Variants in DPH6 observed in about 807,000 individuals in gnomAD.
The protein encoded by DPH6 is diphthamine biosynthesis 6.
Under a neutral mutation model 38.2 loss-of-function variants are expected in DPH6, and 33 were observed. The observed-to-expected ratio is 0.86, with a 90% CI of 0.65 to 1.15. The LOEUF (loss-of-function observed/expected upper bound fraction) is 1.15. Ranked by LOEUF, DPH6 falls within the 50% of genes most tolerant of loss-of-function variation. DPH6 has a pLI of 0.00. For synonymous variants in DPH6, 108 were observed against 103.0 expected, an observed-to-expected ratio of 1.05 and a Z score of -0.30; for missense variants, 325 against 320.0, an observed-to-expected ratio of 1.02 and a Z score of -0.12.
At chr15:35,251,431 C>A (rs2051672913) in intron 3 of DPH6, among the ~76,000 whole-genome samples, 1 of 152,128 alleles carries the variant, frequency 6.6e-6, no homozygotes, top group South Asian at 2.1e-4. Context: ...AGCTGTCAAG[C>A]TTTTTTCCTA....
In DPH6 at chr15:35,239,595, G is replaced by A. The variant is rs1237990510; in HGVS notation, n.201-19013C>T. On this transcript the variant is annotated intron_variant and non_coding_transcript_variant, in intron 3 of 3. Coordinates refer to the DPH6 transcript ENST00000560386. Reference sequence around the variant, plus strand: ...CTCTACCCCTTCTCTGCCTTTCCTGGGGCGGGGGCAAGTACCCCTCAACCC... The same window carrying A: ...CTCTACCCCTTCTCTGCCTTTCCTGAGGCGGGGGCAAGTACCCCTCAACCC... Among the ~76,000 whole-genome samples the A allele has an allele frequency of 1.4e-5, 2 of 141,526 alleles. 1 individual carries two copies. Among genetic ancestry groups the A allele is most frequent in the East Asian group, 4.5e-4 (2 of 4,480 alleles). The allele number at this position is 141,526 out of a possible 152,430, so 92.8% of individuals were successfully genotyped here. A position where few individuals can be genotyped will look rare whatever the true frequency, so the allele number is the denominator to read the frequency against.
At chr15:35,245,527 C>T (rs1383053198) in intron 3 of DPH6, among the ~76,000 whole-genome samples, 1 of 152,042 alleles carries the variant, frequency 6.6e-6, no homozygotes, top group Non-Finnish European at 1.5e-5. Context: ...CGTGAGCCAC[C>T]ACGCTGGCGG....
intron 5 of DPH6, among the ~76,000 whole-genome samples, chr15:35,418,214 C>T (rs1167177925): frequency 6.6e-6 from 1 of 151,982 alleles, no homozygotes; most frequent in African/African-American, 2.4e-5. Context: ...ATATATCTCC[C>T]TACAAAAACC....
chr15:35,465,370 T>C (rs1023267289), intron 3 of DPH6, among the ~76,000 whole-genome samples: 3 of 152,228 alleles, frequency 2.0e-5, no homozygotes, highest in Non-Finnish European at 4.4e-5. Flanking sequence ...ATATTTGGAC[T>C]TCTGGTAACA....
intron 3 of DPH6, among the ~76,000 whole-genome samples, chr15:35,283,158 C>T (rs2051913100): frequency 6.9e-6 from 1 of 145,728 alleles, no homozygotes; most frequent in Admixed American, 6.9e-5. Context: ...TCCTCTTTTC[C>T]CTCCCCCTCC....
chr15:35,159,704 CAT>C, the DPH6 span, among the ~76,000 whole-genome samples: 1 of 151,960 alleles, frequency 6.6e-6, no homozygotes, highest in Non-Finnish European at 1.5e-5. Flanking sequence ...CCCATTACTG[CAT>C]ATATATCCAA....
At chr15:35,419,153 C>A (rs144351743) in intron 5 of DPH6, among the ~76,000 whole-genome samples, 1 of 151,700 alleles carries the variant, frequency 6.6e-6, no homozygotes, top group Non-Finnish European at 1.5e-5. Flanking sequence ...CAAGTAGATA[C>A]CATTTTTAAA....
In DPH6 at chr15:35,522,328, C is replaced by T. The variant is rs144914136; in HGVS notation, c.312+15946G>A. 934 of 1,568,056 alleles carry T rather than the reference C, an allele frequency of 6.0e-4. 9 individuals carry two copies. In the African/African-American group the frequency reaches 0.012, roughly 20 times the overall value. ...GTGGCAATCAGAGGTTTAGGATTGA[C>T]CAGAAAAAGCCCTGAGGCTGGATTA... On this transcript the variant is annotated intron_variant, in intron 3 of 8. Transcript: ENST00000256538.
intron 6 of DPH6, among the ~76,000 whole-genome samples, chr15:35,391,338 A>C (rs1026827560): frequency 1.1e-4 from 17 of 152,202 alleles, no homozygotes; most frequent in Non-Finnish European, 2.2e-4. Context: ...CCCAAGCTGC[A>C]TGCTGGGAGA....
chr15:35,277,704 T>C (rs541460858), intron 3 of DPH6, among the ~76,000 whole-genome samples: 2 of 152,090 alleles, frequency 1.3e-5, no homozygotes, highest in African/African-American at 2.4e-5. Flanking sequence ...AGCTCTCAGA[T>C]GGAAATAAAT....
intron 3 of DPH6, among the ~76,000 whole-genome samples, chr15:35,459,485 G>T (rs1320084275): frequency 1.3e-5 from 2 of 152,158 alleles, no homozygotes. Flanking sequence ...ATATGAATTT[G>T]GGTTGGGGGG....
intron 3 of DPH6, among the ~76,000 whole-genome samples, chr15:35,468,893 C>A (rs1187577836): frequency 6.6e-6 from 1 of 152,090 alleles, no homozygotes; most frequent in Non-Finnish European, 1.5e-5. Context: ...CATGGTGAAA[C>A]CCTGTCTCTA....
chr15:35,471,508 CCCTA>C (rs2054198260), intron 3 of DPH6, among the ~76,000 whole-genome samples: 1 of 152,290 alleles, frequency 6.6e-6, no homozygotes, highest in African/African-American at 2.4e-5. Context: ...CTCCACACCT[CCCTA>C]CCTACCAAAT....
the DPH6 span, among the ~76,000 whole-genome samples, chr15:35,208,580 T>C: frequency 6.6e-6 from 1 of 152,200 alleles, no homozygotes; most frequent in Non-Finnish European, 1.5e-5. Flanking sequence ...CATCTTCCCT[T>C]CTGATCAAAA....
intron 7 of DPH6, among the ~76,000 whole-genome samples, chr15:35,374,634 C>T (rs977641962): frequency 2.0e-5 from 3 of 152,120 alleles, no homozygotes; most frequent in South Asian, 2.1e-4. Flanking sequence ...CCTTTAGTAT[C>T]AAATATGTAT....
At chr15:35,519,486 T>TTTACCAAGG (rs2054891805) in intron 3 of DPH6, 1 of 151,974 alleles carries the variant, frequency 6.6e-6, no homozygotes, top group Non-Finnish European at 1.5e-5. Flanking sequence ...GATGAACGTC[T>TTTACCAAGG]GATAAAACTT....
chr15:35,529,496 T>C (rs1301651185), intron 3 of DPH6, among the ~76,000 whole-genome samples: 2 of 152,100 alleles, frequency 1.3e-5, no homozygotes, highest in Non-Finnish European at 2.9e-5. Flanking sequence ...AGCCAAACCC[T>C]ATCAGATATC....
the DPH6 span, among the ~76,000 whole-genome samples, chr15:35,161,895 C>T: frequency 6.6e-6 from 1 of 151,914 alleles, no homozygotes; most frequent in African/African-American, 2.4e-5. Flanking sequence ...GCAGCCCAAA[C>T]TGACTAATAC....
intron 3 of DPH6, among the ~76,000 whole-genome samples, chr15:35,512,321 G>A (rs1348764117): frequency 6.6e-6 from 1 of 152,096 alleles, no homozygotes; most frequent in African/African-American, 2.4e-5. Flanking sequence ...AGGAGCAGAA[G>A]AGTGTGGCTA....
Sources: allele counts gnomAD v4.1 joint callset (sites outside exome capture counted in the v4.1 genomes callset), GRCh38; gene constraint gnomAD v4.1.1; transcripts MANE v1.5; gene names NCBI Gene and HGNC (gene_info 2026-07-23, HGNC 2026-07-21).